The following SAP130 variants were observed in gnomAD, a reference collection of about 807,000 sequenced individuals.
SAP130 encodes the protein Sin3A associated protein 130, also known as histone deacetylase complex subunit SAP130.
A neutral mutation model predicts 103.2 loss-of-function variants in SAP130; 16 were observed. The observed-to-expected ratio is 0.16, with a 90% CI of 0.10 to 0.24. SAP130 has a LOEUF of 0.24. Ranked by LOEUF, SAP130 falls within the 10% of genes least tolerant of loss-of-function variation. The pLI, the probability that SAP130 is intolerant of heterozygous loss-of-function variation, is 1.00. For synonymous variants in SAP130, 477 were observed against 497.0 expected, an observed-to-expected ratio of 0.96 and a Z score of 0.53; for missense variants, 990 against 1,359.7, an observed-to-expected ratio of 0.73 and a Z score of 4.28.
Position 128,028,012 on chromosome 2 carries a change from C to A in SAP130, c.-79G>T, listed in dbSNP as rs1302969898. 3.0e-6 allele frequency: 3 copies of A among 984,558 alleles called. No homozygotes were observed. The highest frequency in any genetic ancestry group is 3.6e-6 in the Non-Finnish European group (3 of 829,090). 61.0% of individuals were successfully genotyped at this position (984,558 alleles called of 1,614,324 possible). On this transcript the variant is annotated 5_prime_UTR_variant, in exon 1 of 21. Transcript: ENST00000643581. ...GCGCGCTCTCCGTCTGTGGGGCCGA[C>A]GTCCCCAGGCTCCGGACCCGCAGCC...
Position 128,017,920 on chromosome 2 carries a change from T to C in SAP130, c.113-5A>G. On this transcript the variant is annotated splice_polypyrimidine_tract_variant and splice_region_variant and intron_variant, in intron 2 of 20. Coordinates refer to ENST00000643581, the MANE Select transcript of SAP130 (RefSeq NM_001330301.2). The stretch of plus-strand genomic sequence containing the variant: ...CTCGACCAGATTCATCATTGACTAG[T>C]AAAGACATTAAGAGTGAGACAGTAT... The C allele has an allele frequency of 6.2e-7, 1 of 1,610,344 alleles. No homozygotes were observed. Among genetic ancestry groups the C allele is most frequent in the Non-Finnish European group, 8.5e-7 (1 of 1,176,824 alleles).
chr2:127,984,264 C>CT (rs1322307054), intron 14 of SAP130, among the ~76,000 whole-genome samples: 1 of 152,134 alleles, frequency 6.6e-6, no homozygotes, highest in Non-Finnish European at 1.5e-5. Context: ...GCAACCTTTT[C>CT]TTTTGTCTTT....
intron 14 of SAP130, among the ~76,000 whole-genome samples, chr2:127,983,126 T>C (rs1415507823): frequency 2.0e-5 from 3 of 152,204 alleles, no homozygotes; most frequent in Admixed American, 2.0e-4. Context: ...CCAGACATCA[T>C]GTCCTTCCAA....
At chr2:128,005,650 CTT>C (rs774112498) in intron 7 of SAP130, among the ~76,000 whole-genome samples, 20 of 143,550 alleles carry the variant, frequency 1.4e-4, no homozygotes, top group Non-Finnish European at 1.1e-4. Flanking sequence ...GTTTTTCTTT[CTT>C]TTTTTTTTTT....
chr2:127,963,710 G>T lies in SAP130; in HGVS notation c.2064-8366C>A, dbSNP rs563253539. On this transcript the variant is annotated intron_variant, in intron 15 of 20. Transcript: ENST00000643581. ...CACGGGGGCGGGTCTTTCTTGTGCT[G>T]TTCTCGTGATAGTAACTAAGTCTCA... 2.1e-3 allele frequency among the ~76,000 whole-genome samples: 326 copies of T among 152,244 alleles called. 1 individual carries two copies. Among genetic ancestry groups the T allele is most frequent in the Non-Finnish European group, 3.0e-3 (207 of 68,020 alleles).
At chr2:127,946,093 C>G (rs188164342) in intron 18 of SAP130, among the ~76,000 whole-genome samples, 1 of 152,138 alleles carries the variant, frequency 6.6e-6, no homozygotes, top group Non-Finnish European at 1.5e-5. Context: ...AAGCTTGCCA[C>G]GTGTCAAGCC....
At chr2:127,971,148 T>G (rs2104874510) in intron 15 of SAP130, among the ~76,000 whole-genome samples, 1 of 152,104 alleles carries the variant, frequency 6.6e-6, no homozygotes, top group South Asian at 2.1e-4. Flanking sequence ...AGCTGGGGTT[T>G]CGCCATATTG....
At chr2:128,027,380 G>T (rs1039867558) in intron 1 of SAP130, 54 of 1,141,890 alleles carry the variant, frequency 4.7e-5, no homozygotes, top group Admixed American at 2.9e-4. Context: ...AATCCACAGC[G>T]ACCTGCACGT....
chr2:127,972,862 G>A (rs1681188291), intron 15 of SAP130, among the ~76,000 whole-genome samples: 1 of 152,156 alleles, frequency 6.6e-6, no homozygotes. Context: ...GCACCCAGGA[G>A]TTCAAGGCTG....
At chr2:128,014,980 A>G in intron 4 of SAP130, 66 bp from the exon 5 acceptor site, 1 of 1,308,194 alleles carries the variant, frequency 7.6e-7, no homozygotes, top group South Asian at 1.2e-5. Flanking sequence ...CTAGGAAGTC[A>G]CCTGCCTCCA....
intron 15 of SAP130, among the ~76,000 whole-genome samples, chr2:127,959,304 A>AGCCCAAGAACCAAGAAAAAGGG (rs1680070064): frequency 1.3e-5 from 2 of 152,252 alleles, no homozygotes; most frequent in African/African-American, 2.4e-5. Context: ...TACTCTGTCT[A>AGCCCAAGAACCAAGAAAAAGGG]GCCCAAGAAC....
chr2:127,963,755 A>G (rs2104819727), intron 15 of SAP130, among the ~76,000 whole-genome samples: 1 of 152,180 alleles, frequency 6.6e-6, no homozygotes, highest in South Asian at 2.1e-4. Context: ...ACGGTTTTAA[A>G]AAGGGAGAGT....
chr2:127,949,610 G>A (rs917537400), intron 18 of SAP130, among the ~76,000 whole-genome samples: 4 of 152,050 alleles, frequency 2.6e-5, no homozygotes, highest in African/African-American at 9.7e-5. Context: ...TTAACATGTG[G>A]GTTTTACAAA....
At position 127,986,663 on chromosome 2, in the gene SAP130, T is replaced by C. The variant is rs1468499852; in HGVS notation, c.1958+122A>G. The C allele has an allele frequency of 8.7e-6, 10 of 1,146,038 alleles. No homozygotes were observed. Among genetic ancestry groups the C allele is most frequent in the Middle Eastern group, 3.0e-4 (1 of 3,292 alleles). 71.0% of individuals were successfully genotyped at this position (1,146,038 alleles called of 1,614,324 possible). On this transcript the variant is annotated intron_variant, in intron 14 of 20. Transcript: ENST00000643581. The surrounding 1 kb of genome is among the most constrained non-coding windows in gnomAD (Gnocchi z 4.7). ...TGTGGTCAAGTTGTTTTGGAGGAAATTTTAACACACCACAGAAAATGAGAG... is the reference window on the plus strand; with the variant it reads ...TGTGGTCAAGTTGTTTTGGAGGAAACTTTAACACACCACAGAAAATGAGAG...
intron 2 of SAP130, among the ~76,000 whole-genome samples, 158 bp downstream of exon 2, chr2:128,026,023 A>G (rs1685473847): frequency 6.6e-6 from 1 of 152,258 alleles, no homozygotes; most frequent in Non-Finnish European, 1.5e-5. Flanking sequence ...AGGAAGGAAA[A>G]AAAGCCTTGT....
chr2:127,989,681 T>A lies in SAP130; in HGVS notation c.1663A>T (p.Ile555Leu). ...TGTGTGCCAAGTGGTGCAGGCTGTATCCCTGGGGTCCCAATGGGGGCCGGC... is the reference window on the plus strand; with the variant it reads ...TGTGTGCCAAGTGGTGCAGGCTGTAACCCTGGGGTCCCAATGGGGGCCGGC... ...IQPAPIGTPG[I>L]QPAPLGTQGI... The change falls in exon 13 of 21, where the codon ATA (isoleucine) becomes TTA (leucine). Residue 555 changes from isoleucine to leucine, a missense_variant. Physicochemically the swap from Ile to Leu is conservative, Grantham distance 5 (BLOSUM62 2). This residue lies in a region of SAP130 where 349 missense variants were observed against 384.1 expected (regional missense o/e 0.91). Transcript: ENST00000643581. This position sits in a 1 kb window ranked among gnomAD's most constrained non-coding sequence, Gnocchi z 4.6. The A allele has an allele frequency of 6.2e-7, 1 of 1,614,178 alleles. No homozygotes were observed. The highest frequency in any genetic ancestry group is 8.5e-7 in the Non-Finnish European group (1 of 1,180,032).
At chr2:128,014,691 T>C in intron 5 of SAP130, 112 bp downstream of exon 5, 1 of 779,332 alleles carries the variant, frequency 1.3e-6, no homozygotes, top group South Asian at 1.6e-5. Context: ...TGCAGACTGT[T>C]GTTCTGCAAC....
At chr2:127,958,672 G>GAGAGAGAGA (rs1680021401) in intron 15 of SAP130, among the ~76,000 whole-genome samples, 1 of 142,804 alleles carries the variant, frequency 7.0e-6, no homozygotes, top group African/African-American at 2.7e-5. Flanking sequence ...GAGAGAGAGA[G>GAGAGAGAGA]AGAGAGAGAG....
At position 127,942,346 on chromosome 2, in the gene SAP130, G is replaced by A. The variant is rs1003760128; in HGVS notation, c.3015+78C>T. On this transcript the variant is annotated intron_variant, in intron 20 of 20. Transcript: ENST00000643581. This position sits in a 1 kb window ranked among gnomAD's most constrained non-coding sequence, Gnocchi z 4.8. ...TTACTGAAGATATGAGGGAGACGGG[G>A]GGAAACGGGAGAAGTAGGGCTTTAC... 4.4e-5 allele frequency: 51 copies of A among 1,148,568 alleles called. No individual in the cohort carries two copies. In the Admixed American group the frequency reaches 9.1e-4, roughly 20 times the overall value. 71.1% of individuals were successfully genotyped at this position (1,148,568 alleles called of 1,614,324 possible).
Sources: gnomAD v4.1 joint callset for allele counts (sites outside exome capture counted in the v4.1 genomes callset) on GRCh38, gnomAD v4.1.1 for gene constraint, gnomAD v4.1.1 regional missense constraint, Gnocchi (gnomAD v3.1) non-coding constraint, MANE v1.5 for transcripts, NCBI Gene and HGNC (gene_info 2026-07-23, HGNC 2026-07-21) for gene names.